The following YME1L1 variants were observed in gnomAD, a reference collection of about 807,000 sequenced individuals.
YME1L1 encodes ATP-dependent zinc metalloprotease YME1L1.
YME1L1 carries 39 observed loss-of-function variants against 90.4 expected under a neutral mutation model. The observed-to-expected ratio is 0.43, with a 90% CI of 0.33 to 0.56. The LOEUF (loss-of-function observed/expected upper bound fraction) is 0.56. YME1L1 is among the 20% of genes least tolerant of loss of function. YME1L1 has a pLI of 0.03. For missense variants in YME1L1, 617 were observed against 868.4 expected, an observed-to-expected ratio of 0.71 and a Z score of 3.64; for synonymous variants, 284 against 287.3, an observed-to-expected ratio of 0.99 and a Z score of 0.12.
At chr10:27,147,139 G>A in intron 2 of YME1L1, 1 of 485,032 alleles carries the variant, frequency 2.1e-6, no homozygotes, top group Non-Finnish European at 3.6e-6. Flanking sequence ...AGCCATGTTT[G>A]AATTTAATTC....
chr10:27,116,729 A>G (rs1238103352), intron 15 of YME1L1, among the ~76,000 whole-genome samples: 1 of 151,804 alleles, frequency 6.6e-6, no homozygotes, highest in Non-Finnish European at 1.5e-5. Flanking sequence ...AAATGTAATG[A>G]AAGAAATTCA....
chr10:27,112,182 G>A, intron 18 of YME1L1, 62 bp from the exon 19 acceptor site: 7 of 1,504,130 alleles, frequency 4.7e-6, no homozygotes, highest in Non-Finnish European at 6.3e-6. Context: ...ACCAGTCAAT[G>A]GGAAGAGAAA....
intron 12 of YME1L1, 96 bp downstream of exon 12, chr10:27,121,290 C>T (rs989426106): frequency 3.5e-6 from 3 of 849,632 alleles, no homozygotes; most frequent in Non-Finnish European, 4.0e-6. Context: ...TAAATGGAAT[C>T]ATACAGTGTT....
In YME1L1 at chr10:27,142,415, G is replaced by C. The variant is rs1426972626; in HGVS notation, c.402C>G (p.Ser134Arg). 4 of 1,523,722 alleles carry C rather than the reference G, an allele frequency of 2.6e-6. No individual in the cohort carries two copies. The highest frequency in any genetic ancestry group is 3.5e-6 in the Non-Finnish European group (4 of 1,135,708). 94.4% of individuals were successfully genotyped at this position (1,523,722 alleles called of 1,614,324 possible). Residue 134 changes from serine (S) to arginine (R), a missense_variant, in exon 4 of 19, where the codon AGC (serine) becomes AGG (arginine). Physicochemically the swap from Ser to Arg is moderately radical, Grantham distance 110 (BLOSUM62 -1). Transcript: ENST00000376016. ...LYRHHSRALQSICSDLQYWPV... is the reference protein window; with the variant it reads ...LYRHHSRALQRICSDLQYWPV... ...GCCAGTACTGAAGATCTGAACAAAT[G>C]CTTTGAAGAGCTCTTGAATGATGTC...
At chr10:27,153,295 T>C in intron 1 of YME1L1, 1 of 467,624 alleles carries the variant, frequency 2.1e-6, no homozygotes, top group Admixed American at 2.4e-5. Context: ...GCACAAAAAA[T>C]TAAAAATTCT....
intron 9 of YME1L1, among the ~76,000 whole-genome samples, chr10:27,124,393 A>G (rs1407387853): frequency 6.6e-6 from 1 of 152,216 alleles, no homozygotes; most frequent in Non-Finnish European, 1.5e-5. Context: ...CCATGTTTGC[A>G]AATTTTCATA....
chr10:27,127,374 G>A (rs1173864955), intron 8 of YME1L1, among the ~76,000 whole-genome samples: 1 of 151,966 alleles, frequency 6.6e-6, no homozygotes, highest in Non-Finnish European at 1.5e-5. Flanking sequence ...ACAAAACAAA[G>A]CTTTGTCCAT....
intron 14 of YME1L1, 28 bp from the exon 15 acceptor site, chr10:27,117,755 T>A: frequency 6.2e-7 from 1 of 1,608,522 alleles, no homozygotes; most frequent in South Asian, 1.1e-5. Context: ...GAGTAAATAC[T>A]CCATTAGAAA....
In YME1L1 at chr10:27,133,762, A is replaced by C. The variant is rs1588600951; in HGVS notation, c.775+277T>G. Among the ~76,000 whole-genome samples, 9 of 152,306 alleles carry C rather than the reference A, an allele frequency of 5.9e-5. No homozygotes were observed. In the South Asian group the frequency reaches 1.2e-3, roughly 21 times the overall value. ...TATCTTTGAAATAGAAGACTATTTC[A>C]GCTTGTATTGCCATTATAAAATTCT... is the stretch of plus-strand genomic sequence containing the variant. On this transcript the variant is annotated intron_variant, in intron 7 of 18. Coordinates refer to ENST00000376016, the MANE Select transcript of YME1L1 (RefSeq NM_014263.4).
intron 4 of YME1L1, among the ~76,000 whole-genome samples, chr10:27,140,978 T>C (rs1225582813): frequency 6.6e-6 from 1 of 152,260 alleles, no homozygotes; most frequent in Non-Finnish European, 1.5e-5. Context: ...TTCTGTCTTC[T>C]GCATTAACTA....
intron 17 of YME1L1, among the ~76,000 whole-genome samples, chr10:27,115,788 T>C (rs1290268029): frequency 6.6e-6 from 1 of 152,220 alleles, no homozygotes; most frequent in African/African-American, 2.4e-5. Flanking sequence ...GTAGACTCTT[T>C]CATGCCACAT....
intron 8 of YME1L1, among the ~76,000 whole-genome samples, chr10:27,128,239 T>G (rs901313432): frequency 3.3e-5 from 5 of 152,108 alleles, no homozygotes; most frequent in Non-Finnish European, 5.9e-5. Context: ...TTGGTAAACA[T>G]TTGTCACAGG....
In YME1L1 at chr10:27,119,822, A is replaced by C. The variant is rs12413723; in HGVS notation, c.1412-373T>G. On this transcript the variant is annotated intron_variant, in intron 13 of 18. Coordinates refer to ENST00000376016, the MANE Select transcript of YME1L1 (RefSeq NM_014263.4). ...AAAACTCTTGTCTCAAAAAAAAACC[A>C]AAAAAAAAAAACACCTCACATTCCA... 2.7e-4 allele frequency among the ~76,000 whole-genome samples: 21 copies of C among 78,780 alleles called. No individual in the cohort carries two copies. The East Asian group carries it at 0.01, about 39-fold the overall frequency. The allele number at this position is 78,780 out of a possible 152,430, so 51.7% of individuals were successfully genotyped here. A position where few individuals can be genotyped will look rare whatever the true frequency, so the allele number is the denominator to read the frequency against.
chr10:27,143,616 T>A (rs1564467356), intron 3 of YME1L1, among the ~76,000 whole-genome samples: 1 of 146,968 alleles, frequency 6.8e-6, no homozygotes, highest in African/African-American at 2.5e-5. Flanking sequence ...GAGAATGGCG[T>A]GAACTGGGAA....
chr10:27,149,711 CAAAAAAA>C (rs58900380), intron 1 of YME1L1, among the ~76,000 whole-genome samples: 3,514 of 32,340 alleles, frequency 0.11, 86 homozygotes, highest in East Asian at 0.36. Flanking sequence ...ACCTGTCTCT[CAAAAAAA>C]AAAAAAAAAA....
chr10:27,110,633 T>C lies in YME1L1; in HGVS notation c.*1344A>G, dbSNP rs1009865106. 1 of 152,212 alleles carries C rather than the reference T, an allele frequency of 6.6e-6. No homozygotes were observed. Among genetic ancestry groups the C allele is most frequent in the African/African-American group, 2.4e-5 (1 of 41,458 alleles). The allele number at this position is 152,212 out of a possible 1,614,324, so 9.4% of individuals were successfully genotyped here. A position where few individuals can be genotyped will look rare whatever the true frequency, so the allele number is the denominator to read the frequency against. On this transcript the variant is annotated 3_prime_UTR_variant, in exon 19 of 19. Transcript: ENST00000376016. ...ATGAAAAGTAAACACAACTTGGCAT[T>C]TCTGACGCAGGGTAACACAAAGTTC...
chr10:27,134,117 G>C lies in YME1L1; in HGVS notation c.697C>G (p.Leu233Val). 6.2e-7 allele frequency: 1 copy of C among 1,610,812 alleles called. No homozygotes were observed. The highest frequency in any genetic ancestry group is 8.5e-7 in the Non-Finnish European group (1 of 1,178,542). The change falls in exon 7 of 19, where the codon CTA (leucine) becomes GTA (valine). Residue 233 changes from leucine to valine, a missense_variant. Transcript: ENST00000376016. Reference protein sequence around the residue: ...QALTQKTNDSLRRTRLILFVL... With the variant: ...QALTQKTNDSVRRTRLILFVL... The stretch of plus-strand genomic sequence containing the variant: ...AAGAGAATCAGACGGGTTCGCCTTA[G>C]GGAATCTAGGAGAGAAAGAAAAAGC...
chr10:27,134,983 T>C lies in YME1L1; in HGVS notation c.541-2A>G. On this transcript the variant is annotated splice_acceptor_variant, in intron 5 of 18. Coordinates refer to ENST00000376016, the MANE Select transcript of YME1L1 (RefSeq NM_014263.4). LOFTEE classifies it high-confidence loss of function. The stretch of plus-strand genomic sequence containing the variant: ...TCCTCTGTCCCGCAAAAGAAACCCC[T>C]GAATACACAAACAACACATCAGTAC... 1 of 1,612,080 alleles carries C rather than the reference T, an allele frequency of 6.2e-7. No individual in the cohort carries two copies. Among genetic ancestry groups the C allele is most frequent in the Non-Finnish European group, 8.5e-7 (1 of 1,179,884 alleles).
At chr10:27,114,079 T>C (rs2056788023) in intron 18 of YME1L1, among the ~76,000 whole-genome samples, 1 of 152,122 alleles carries the variant, frequency 6.6e-6, no homozygotes, top group South Asian at 2.1e-4. Flanking sequence ...ATATAAAATT[T>C]TATATATAGA....
Sources: gnomAD v4.1 joint callset for allele counts (sites outside exome capture counted in the v4.1 genomes callset) on GRCh38, gnomAD v4.1.1 for gene constraint, MANE v1.5 for transcripts, NCBI Gene and HGNC (gene_info 2026-07-23, HGNC 2026-07-21) for gene names.